GYPB: variants seen among roughly 807,000 people sequenced by gnomAD.
GYPB encodes glycophorin B (MNS blood group), also known as glycophorin-B.
Under a neutral mutation model 15.3 loss-of-function variants are expected in GYPB, and 13 were observed. The observed-to-expected ratio is 0.85, with a 90% CI of 0.55 to 1.35. The LOEUF is 1.35. Ranked by LOEUF, GYPB falls within the 40% of genes most tolerant of loss-of-function variation. GYPB has a pLI of 0.00. For synonymous variants in GYPB, 38 were observed against 36.9 expected, an observed-to-expected ratio of 1.03 and a Z score of -0.11; for missense variants, 131 against 108.3, an observed-to-expected ratio of 1.21 and a Z score of -0.93.
intron 1 of GYPB, among the ~76,000 whole-genome samples, chr4:144,017,896 TA>T (rs2149972414): frequency 6.6e-6 from 1 of 151,490 alleles, no homozygotes; most frequent in East Asian, 1.9e-4. Context: ...CTTTTCTGCT[TA>T]AAAAATTAGA....
chr4:143,997,628 A>G lies in GYPB; in HGVS notation c.182T>C (p.Val61Ala). 6.5e-7 allele frequency: 1 copy of G among 1,549,792 alleles called. No homozygotes were observed. Among genetic ancestry groups the G allele is most frequent in the Non-Finnish European group, 8.9e-7 (1 of 1,123,878 alleles). ...LVHRFTVPAPVVIILIILCVM... is the reference protein window; with the variant it reads ...LVHRFTVPAPAVIILIILCVM... ...ACACAAAATAATGAGTATTATCACT[A>G]CAGGAGCTAAAGAGAGCAGCAAAAT... Residue 61 changes from valine to alanine, a missense_variant, in exon 4 of 5, where the codon GTA (valine) becomes GCA (alanine). By Grantham distance (64) the Val-to-Ala change is moderately conservative. Coordinates refer to ENST00000502664, the MANE Select transcript of GYPB (RefSeq NM_002100.6).
rs1016758926 is a variant in GYPB, at chr4:144,015,547, C to A, written c.37+3704G>T. On this transcript the variant is annotated intron_variant, in intron 1 of 4. Coordinates refer to ENST00000502664, the MANE Select transcript of GYPB (RefSeq NM_002100.6). ...CAAAAGTATACTTCTCAAATAGTCT[C>A]ATAGATGTTTTGAATAATCTTCTAG... Among the ~76,000 whole-genome samples, 5 of 151,358 alleles carry A rather than the reference C, an allele frequency of 3.3e-5. 1 individual carries two copies. The highest frequency in any genetic ancestry group is 1.2e-4 in the African/African-American group (5 of 40,716).
At chr4:144,017,826 A>T (rs1183807769) in intron 1 of GYPB, among the ~76,000 whole-genome samples, 1 of 151,468 alleles carries the variant, frequency 6.6e-6, no homozygotes, top group African/African-American at 2.5e-5. Flanking sequence ...ATATGAATAC[A>T]TATACAAATA....
intron 1 of GYPB, among the ~76,000 whole-genome samples, chr4:144,010,144 C>A (rs1452596244): frequency 6.6e-6 from 1 of 151,054 alleles, no homozygotes; most frequent in African/African-American, 2.5e-5. Flanking sequence ...TGAAATCAGT[C>A]CAGTGGGTTG....
At chr4:144,001,561 T>C (rs962213982) in intron 1 of GYPB, among the ~76,000 whole-genome samples, 4 of 151,278 alleles carry the variant, frequency 2.6e-5, no homozygotes, top group African/African-American at 4.9e-5. Context: ...ACAATAGTAA[T>C]ACTTGCCTCA....
intron 3 of GYPB, among the ~76,000 whole-genome samples, chr4:143,998,075 G>C (rs1373927366): frequency 6.6e-6 from 1 of 151,286 alleles, no homozygotes; most frequent in Admixed American, 6.6e-5. Flanking sequence ...GAAAGAAACT[G>C]GTATAAACAG....
chr4:144,006,232 G>T (rs1727909299), intron 1 of GYPB, among the ~76,000 whole-genome samples: 1 of 151,944 alleles, frequency 6.6e-6, no homozygotes, highest in Non-Finnish European at 1.5e-5. Context: ...TCTAGAAAAT[G>T]AAATATTCAA....
At position 144,006,219 on chromosome 4, in the gene GYPB, C is replaced by A. The variant is rs1404420161; in HGVS notation, c.38-4936G>T. On this transcript the variant is annotated intron_variant, in intron 1 of 4. Transcript: ENST00000502664. The stretch of plus-strand genomic sequence containing the variant: ...GAGAAGGGTGGAATGAATTGGTATA[C>A]TTTCTAGAAAATGAAATATTCAAAA... 2.6e-5 allele frequency among the ~76,000 whole-genome samples: 4 copies of A among 151,942 alleles called. 1 individual carries two copies. Among genetic ancestry groups the A allele is most frequent in the African/African-American group, 9.7e-5 (4 of 41,132 alleles).
intron 1 of GYPB, among the ~76,000 whole-genome samples, chr4:144,017,131 C>T (rs745446125): frequency 5.3e-5 from 8 of 150,740 alleles, no homozygotes; most frequent in East Asian, 3.9e-4. Flanking sequence ...TTCTTCCTGC[C>T]CTGGGCTCAG....
intron 4 of GYPB, 154 bp downstream of exon 4, chr4:143,997,386 A>G (rs1727378933): frequency 1.9e-6 from 1 of 526,848 alleles, no homozygotes; most frequent in Non-Finnish European, 3.5e-6. Context: ...AAATTCTGCT[A>G]GAGAAACACA....
rs574318365 is a variant in GYPB at position 144,017,379 on chromosome 4, C to T, written c.37+1872G>A. Reference sequence around the variant, plus strand: ...AAGAAAAAAAAAGAAAAAGACTTCACCATGTTTAGTCTTCGGCTAATCAGT... The same window carrying T: ...AAGAAAAAAAAAGAAAAAGACTTCATCATGTTTAGTCTTCGGCTAATCAGT... On this transcript the variant is annotated intron_variant, in intron 1 of 4. Transcript: ENST00000502664. Among the ~76,000 whole-genome samples the T allele has an allele frequency of 1.5e-3, 219 of 150,274 alleles. 5 individuals are homozygous for T. Among genetic ancestry groups the T allele is most frequent in the African/African-American group, 5.1e-3 (204 of 40,170 alleles).
intron 2 of GYPB, chr4:144,000,117 A>T (rs1373047355): frequency 1.2e-5 from 2 of 167,624 alleles, no homozygotes; most frequent in Non-Finnish European, 2.5e-5. Flanking sequence ...ATTATTACAA[A>T]TTACTTAGTA....
intron 1 of GYPB, among the ~76,000 whole-genome samples, chr4:144,006,900 C>T (rs1386708507): frequency 6.6e-6 from 1 of 151,368 alleles, no homozygotes; most frequent in Non-Finnish European, 1.5e-5. Context: ...CTTTTCTGCT[C>T]AATCTCATTG....
At chr4:144,009,744 G>A (rs1359326638) in intron 1 of GYPB, among the ~76,000 whole-genome samples, 1 of 148,334 alleles carries the variant, frequency 6.7e-6, no homozygotes, top group African/African-American at 2.6e-5. Flanking sequence ...CTCCCAAGTA[G>A]CTGGGACTAC....
At chr4:144,006,783 A>T (rs1262843873) in intron 1 of GYPB, among the ~76,000 whole-genome samples, 1 of 151,768 alleles carries the variant, frequency 6.6e-6, no homozygotes, top group African/African-American at 2.4e-5. Context: ...TTGACATTGC[A>T]ATGACCATGA....
chr4:143,996,364 C>T (rs1273692910), intron 4 of GYPB, 60 bp from the exon 5 acceptor site: 3 of 1,549,446 alleles, frequency 1.9e-6, no homozygotes, highest in Non-Finnish European at 2.6e-6. Context: ...AGCTAAGACT[C>T]CACTTCAGCC....
At chr4:144,007,866 A>G (rs1435541141) in intron 1 of GYPB, among the ~76,000 whole-genome samples, 1 of 151,380 alleles carries the variant, frequency 6.6e-6, no homozygotes, top group Non-Finnish European at 1.5e-5. Flanking sequence ...TCAAACTCCT[A>G]GGCTCAAGCA....
chr4:144,015,277 T>A (rs1462271239), intron 1 of GYPB, among the ~76,000 whole-genome samples: 1 of 151,354 alleles, frequency 6.6e-6, no homozygotes, highest in Admixed American at 6.6e-5. Flanking sequence ...AGCCCGGAAT[T>A]TTTTTTCAAG....
chr4:144,014,450 C>T (rs1579070325), intron 1 of GYPB, among the ~76,000 whole-genome samples: 1 of 151,690 alleles, frequency 6.6e-6, no homozygotes, highest in South Asian at 2.1e-4. Flanking sequence ...AATGGAATAA[C>T]ATTTATTATA....
Sources: allele counts gnomAD v4.1 joint callset (sites outside exome capture counted in the v4.1 genomes callset), GRCh38; gene constraint gnomAD v4.1.1; transcripts MANE v1.5; gene names NCBI Gene and HGNC (gene_info 2026-07-23, HGNC 2026-07-21).